STARD13: variants seen among roughly 807,000 people sequenced by gnomAD.
STARD13 encodes the protein stAR-related lipid transfer protein 13.
STARD13 carries 62 observed loss-of-function variants against 106.4 expected under a neutral mutation model. The ratio of observed to expected loss-of-function variants is 0.58; its 90% CI spans 0.48 to 0.72. STARD13 has a LOEUF of 0.72. Among genes scored for constraint, STARD13 ranks in the 30% least tolerant of loss-of-function variants. The pLI is 0.00. For missense variants in STARD13, 1,387 were observed against 1,424.0 expected (o/e 0.97, Z 0.42); for synonymous variants, 565 against 553.0 (o/e 1.02, Z -0.31).
chr13:33,351,400 T>G (rs2078077966), upstream of STARD13, among the ~76,000 whole-genome samples: 1 of 152,216 alleles, frequency 6.6e-6, no homozygotes. Context: ...TTAACTCTGA[T>G]TCCTGAAGGA....
At chr13:33,498,391 A>G in the STARD13 span, among the ~76,000 whole-genome samples, 1 of 152,344 alleles carries the variant, frequency 6.6e-6, no homozygotes. Flanking sequence ...AGGGATTGTT[A>G]GAGCCTCTTT....
intron 1 of STARD13, among the ~76,000 whole-genome samples, chr13:33,302,833 C>A (rs1892770839): frequency 6.6e-6 from 1 of 152,188 alleles, no homozygotes; most frequent in Non-Finnish European, 1.5e-5. Flanking sequence ...TCAGATTAAT[C>A]TCCTAAAGTA....
intron 1 of STARD13, among the ~76,000 whole-genome samples, chr13:33,190,577 T>C (rs897913767): frequency 6.2e-5 from 9 of 145,816 alleles, no homozygotes; most frequent in African/African-American, 2.3e-4. Flanking sequence ...CGTTTTCTTT[T>C]CTTTTCTTTT....
At chr13:33,401,291 A>G in the STARD13 span, among the ~76,000 whole-genome samples, 1 of 152,328 alleles carries the variant, frequency 6.6e-6, no homozygotes, top group Non-Finnish European at 1.5e-5. Context: ...TGAAAAGCCA[A>G]ATTACATACG....
chr13:33,363,455 T>C, the STARD13 span, among the ~76,000 whole-genome samples: 1 of 152,240 alleles, frequency 6.6e-6, no homozygotes, highest in Non-Finnish European at 1.5e-5. Context: ...ATCTTTGCCA[T>C]GTCTCTAGCA....
At chr13:33,290,441 T>G (rs1892249563), upstream of STARD13, among the ~76,000 whole-genome samples, 1 of 152,210 alleles carries the variant, frequency 6.6e-6, no homozygotes, top group South Asian at 2.1e-4. Context: ...GCCAATTAAC[T>G]TTCCCAATCT....
the STARD13 span, among the ~76,000 whole-genome samples, chr13:33,641,292 G>A: frequency 2.0e-5 from 3 of 151,828 alleles, no homozygotes; most frequent in Non-Finnish European, 4.4e-5. Context: ...TGTTGTCAAC[G>A]CTGCTTTCAA....
intron 6 of STARD13, among the ~76,000 whole-genome samples, chr13:33,126,915 C>A (rs1199245365): frequency 6.6e-6 from 1 of 152,174 alleles, no homozygotes; most frequent in Non-Finnish European, 1.5e-5. Flanking sequence ...AGGTTTACTG[C>A]ATATTCTTGT....
At chr13:33,445,055 A>G in the STARD13 span, among the ~76,000 whole-genome samples, 1 of 152,176 alleles carries the variant, frequency 6.6e-6, no homozygotes, top group African/African-American at 2.4e-5. Context: ...CCATAAAAAC[A>G]TTCAGATAAT....
the STARD13 span, among the ~76,000 whole-genome samples, chr13:33,441,643 C>A: frequency 1.3e-5 from 2 of 152,114 alleles, no homozygotes; most frequent in African/African-American, 4.8e-5. Context: ...CAGATGCTTA[C>A]GATTATTAAC....
At chr13:33,601,048 A>G in the STARD13 span, among the ~76,000 whole-genome samples, 2 of 152,112 alleles carry the variant, frequency 1.3e-5, no homozygotes, top group South Asian at 4.1e-4. Flanking sequence ...GAATTCTACT[A>G]TTCTTGTCTT....
the STARD13 span, among the ~76,000 whole-genome samples, chr13:33,612,987 C>G: frequency 6.6e-6 from 1 of 152,178 alleles, no homozygotes; most frequent in Non-Finnish European, 1.5e-5. Context: ...TGAGCAACTT[C>G]AAAGTTCAAA....
chr13:33,517,087 T>C, the STARD13 span, among the ~76,000 whole-genome samples: 1 of 152,166 alleles, frequency 6.6e-6, no homozygotes. Context: ...CTGTTCCTTT[T>C]ACTTTTTTTA....
the STARD13 span, among the ~76,000 whole-genome samples, chr13:33,642,423 G>C: frequency 6.6e-6 from 1 of 152,242 alleles, no homozygotes; most frequent in Non-Finnish European, 1.5e-5. Context: ...TCCAGCCAGG[G>C]AGAAGAGTCT....
chr13:33,675,769 C>A, the STARD13 span, among the ~76,000 whole-genome samples: 11,801 of 152,160 alleles, frequency 0.078, 921 homozygotes, highest in East Asian at 0.25. Context: ...TTATCATCTA[C>A]GTCTTCTCTT....
At chr13:33,666,694 A>G in the STARD13 span, among the ~76,000 whole-genome samples, 33,345 of 150,438 alleles carry the variant, frequency 0.22, 7,121 homozygotes, top group African/African-American at 0.54. Context: ...CGGTTCAAGC[A>G]ATTTTACTGC....
chr13:33,258,026 C>T (rs2138311360), intron 1 of STARD13, among the ~76,000 whole-genome samples: 1 of 152,318 alleles, frequency 6.6e-6, no homozygotes, highest in Non-Finnish European at 1.5e-5. Flanking sequence ...CCAGCTGCTT[C>T]ATTTAGTCAT....
chr13:33,372,612 C>G, the STARD13 span, among the ~76,000 whole-genome samples: 1 of 151,254 alleles, frequency 6.6e-6, no homozygotes, highest in African/African-American at 2.4e-5. Context: ...ATGAACCAAC[C>G]GAATTCCCAT....
chr13:33,317,293 C>A (rs1415526467), intron 1 of STARD13, among the ~76,000 whole-genome samples: 1 of 152,160 alleles, frequency 6.6e-6, no homozygotes, highest in Non-Finnish European at 1.5e-5. Flanking sequence ...CCAGGCTTCT[C>A]CAACTCATTT....
Sources: gnomAD v4.1 joint callset for allele counts (sites outside exome capture counted in the v4.1 genomes callset) on GRCh38, gnomAD v4.1.1 for gene constraint, MANE v1.5 for transcripts, NCBI Gene and HGNC (gene_info 2026-07-23, HGNC 2026-07-21) for gene names.